Variants in NEMP2 observed in about 807,000 individuals in gnomAD.
NEMP2 encodes the protein UPF0571 transmembrane protein.
Under a neutral mutation model 54.2 loss-of-function variants are expected in NEMP2, and 53 were observed. The observed-to-expected ratio is 0.98, with a 90% confidence interval of 0.78 to 1.23. The LOEUF (loss-of-function observed/expected upper bound fraction) is 1.23, where lower values mean the gene tolerates loss of function less well. NEMP2 is among the 50% of genes most tolerant of loss of function. The probability of loss-of-function intolerance (pLI) is 0.00; values close to 1 mark genes in which losing one functional copy is unlikely to be tolerated. For synonymous variants in NEMP2, 197 were observed against 190.3 expected (o/e 1.04, Z -0.29); for missense variants, 455 against 511.3 (o/e 0.89, Z 1.06).
downstream of NEMP2, chr2:190,500,040 C>A (rs1369759839): frequency 1.2e-6 from 2 of 1,614,176 alleles, no homozygotes; most frequent in East Asian, 2.2e-5. The surrounding 1 kb of genome is among the most constrained non-coding windows in gnomAD (Gnocchi z 5.3). Context: ...AGGGAAAATT[C>A]TCCTGCTGGT....
the NEMP2 span, among the ~76,000 whole-genome samples, chr2:190,439,298 G>A: frequency 6.6e-6 from 1 of 152,004 alleles, no homozygotes; most frequent in East Asian, 1.9e-4. This position sits in a 1 kb window ranked among gnomAD's most constrained non-coding sequence, Gnocchi z 5.8. Context: ...TAAGTCAATA[G>A]CATGAGTTGA....
the NEMP2 span, among the ~76,000 whole-genome samples, chr2:190,567,693 G>C: frequency 2.6e-5 from 4 of 152,112 alleles, no homozygotes; most frequent in Non-Finnish European, 4.4e-5. This position sits in a 1 kb window ranked among gnomAD's most constrained non-coding sequence, Gnocchi z 4.0. Flanking sequence ...TCTGTCACCA[G>C]GCTACAGTGC....
At chr2:190,471,838 C>T in the NEMP2 span, among the ~76,000 whole-genome samples, 1 of 152,198 alleles carries the variant, frequency 6.6e-6, no homozygotes, top group Non-Finnish European at 1.5e-5. This position sits in a 1 kb window ranked among gnomAD's most constrained non-coding sequence, Gnocchi z 4.7. Flanking sequence ...GGAGGCACCC[C>T]CCAGTAGGGG....
intron 2 of NEMP2, among the ~76,000 whole-genome samples, chr2:190,524,383 G>A (rs960734597): frequency 2.0e-5 from 3 of 152,130 alleles, no homozygotes; most frequent in African/African-American, 7.2e-5. Context: ...TCATTAAAGG[G>A]AAGAAAACAG....
At chr2:190,595,635 C>A in the NEMP2 span, among the ~76,000 whole-genome samples, 3 of 151,962 alleles carry the variant, frequency 2.0e-5, no homozygotes, top group Admixed American at 1.3e-4. The surrounding 1 kb of genome is among the most constrained non-coding windows in gnomAD (Gnocchi z 4.0). Context: ...ATGTGGCCAA[C>A]AAACATGAAA....
At chr2:190,540,396 G>A in the NEMP2 span, among the ~76,000 whole-genome samples, 3 of 151,838 alleles carry the variant, frequency 2.0e-5, no homozygotes, top group South Asian at 2.1e-4. Context: ...TGATCCTCCC[G>A]CCTCAGCCTC....
the NEMP2 span, among the ~76,000 whole-genome samples, chr2:190,450,009 T>TATA: frequency 9.4e-4 from 142 of 151,802 alleles, no homozygotes; most frequent in African/African-American, 3.3e-3. Flanking sequence ...AAACTTAAAG[T>TATA]ATAATAATAA....
At chr2:190,577,531 C>G in the NEMP2 span, among the ~76,000 whole-genome samples, 1 of 152,104 alleles carries the variant, frequency 6.6e-6, no homozygotes, top group African/African-American at 2.4e-5. This position sits in a 1 kb window ranked among gnomAD's most constrained non-coding sequence, Gnocchi z 4.8. Context: ...CAAGGAATAA[C>G]AAGAAAGCTG....
the NEMP2 span, among the ~76,000 whole-genome samples, chr2:190,547,735 C>G: frequency 1.1e-4 from 16 of 152,128 alleles, no homozygotes; most frequent in Admixed American, 1.0e-3. This position sits in a 1 kb window ranked among gnomAD's most constrained non-coding sequence, Gnocchi z 6.2. Flanking sequence ...GGGGTTTCAT[C>G]ATGTTGGCCA....
the NEMP2 span, chr2:190,489,994 C>T: frequency 8.9e-6 from 6 of 677,732 alleles, no homozygotes; most frequent in African/African-American, 1.8e-5. The surrounding 1 kb of genome is among the most constrained non-coding windows in gnomAD (Gnocchi z 6.6). Flanking sequence ...TTCTGAGTGG[C>T]GTATCGATGA....
At chr2:190,553,469 G>C in the NEMP2 span, 1 of 152,232 alleles carries the variant, frequency 6.6e-6, no homozygotes, top group Non-Finnish European at 1.5e-5. Context: ...GCTGCAGGCA[G>C]ATCACTCTCA....
rs751336522 is a variant in NEMP2 at position 190,510,495 on chromosome 2, T to G, written c.996A>C (p.Lys332Asn). 1.3e-6 allele frequency: 2 copies of G among 1,551,960 alleles called. No individual in the cohort carries two copies. Among genetic ancestry groups the G allele is most frequent in the South Asian group, 2.4e-5 (2 of 84,056 alleles). Residue 332 changes from lysine (K) to asparagine (N), a missense_variant, in exon 8 of 9, where the codon AAA becomes AAC. Transcript: ENST00000409150. This position sits in a 1 kb window ranked among gnomAD's most constrained non-coding sequence, Gnocchi z 5.7. Reference sequence around the variant, plus strand: ...CCCTGTACTCGTCTTCCGTAAGATATTTCACCACCAGCTCTTTTGATGTAA... The same window carrying G: ...CCCTGTACTCGTCTTCCGTAAGATAGTTCACCACCAGCTCTTTTGATGTAA... ...QWFTSKELVV[K>N]YLTEDEYREQ... is the part of the protein sequence containing the mutation.
chr2:190,530,726 T>C lies in NEMP2; in HGVS notation c.97+3833A>G, dbSNP rs914587575. Among the ~76,000 whole-genome samples the C allele has an allele frequency of 1.3e-5, 2 of 152,254 alleles. No individual in the cohort carries two copies. The highest frequency in any genetic ancestry group is 4.8e-5 in the African/African-American group (2 of 41,464). On this transcript the variant is annotated intron_variant, in intron 1 of 8. Transcript: ENST00000409150. The surrounding 1 kb of genome is among the most constrained non-coding windows in gnomAD (Gnocchi z 4.6). ...AGTTTGACTGCTTATTTGAACTCTA[T>C]GGCTGATTATGCCCTGACACTGAAG... is the stretch of plus-strand genomic sequence containing the variant.
chr2:190,591,651 T>G, the NEMP2 span, among the ~76,000 whole-genome samples: 1 of 152,172 alleles, frequency 6.6e-6, no homozygotes, highest in Non-Finnish European at 1.5e-5. This position sits in a 1 kb window ranked among gnomAD's most constrained non-coding sequence, Gnocchi z 5.4. Context: ...TGATATACAG[T>G]TTTTCACATG....
chr2:190,561,347 C>T, the NEMP2 span, among the ~76,000 whole-genome samples: 42 of 152,310 alleles, frequency 2.8e-4, no homozygotes, highest in Admixed American at 2.0e-4. This position sits in a 1 kb window ranked among gnomAD's most constrained non-coding sequence, Gnocchi z 5.4. Flanking sequence ...TTGGCCTGCT[C>T]GAGCAAGGGT....
At chr2:190,429,999 T>A in the NEMP2 span, among the ~76,000 whole-genome samples, 87 of 141,468 alleles carry the variant, frequency 6.1e-4, no homozygotes, top group Admixed American at 8.8e-4. Context: ...CTCCCCCAGC[T>A]CCCCACCCCC....
chr2:190,634,778 C>T, the NEMP2 span, among the ~76,000 whole-genome samples: 2 of 152,236 alleles, frequency 1.3e-5, no homozygotes, highest in African/African-American at 2.4e-5. The surrounding 1 kb of genome is among the most constrained non-coding windows in gnomAD (Gnocchi z 6.8). Context: ...TAGACCCACT[C>T]TGCTCCCAAG....
At chr2:190,622,436 T>C in the NEMP2 span, among the ~76,000 whole-genome samples, 17 of 149,968 alleles carry the variant, frequency 1.1e-4, no homozygotes, top group African/African-American at 4.2e-4. Flanking sequence ...AAAAAAAAAA[T>C]TAAAGGCTAA....
the NEMP2 span, among the ~76,000 whole-genome samples, chr2:190,483,602 C>T: frequency 6.6e-6 from 1 of 151,930 alleles, no homozygotes; most frequent in Non-Finnish European, 1.5e-5. Context: ...TTTGAGAGGC[C>T]GAGGCAGGCA....
Sources: gnomAD v4.1 joint callset for allele counts (sites outside exome capture counted in the v4.1 genomes callset) on GRCh38, gnomAD v4.1.1 for gene constraint, Gnocchi (gnomAD v3.1) non-coding constraint, MANE v1.5 for transcripts, NCBI Gene and HGNC (gene_info 2026-07-23, HGNC 2026-07-21) for gene names.